The following HMGA2 variants were observed in gnomAD, a reference collection of about 807,000 sequenced individuals.
HMGA2 encodes high mobility group AT-hook 2, also known as high mobility group protein HMGI-C.
In HMGA2, 8 loss-of-function variants were observed where a neutral mutation model predicts 19.1. The observed-to-expected ratio is 0.42, with a 90% CI of 0.25 to 0.76. The LOEUF is 0.76. Ranked by LOEUF, HMGA2 falls within the 30% of genes least tolerant of loss-of-function variation. The pLI, the probability that HMGA2 is intolerant of heterozygous loss-of-function variation, is 0.28. For synonymous variants in HMGA2, 60 were observed against 48.8 expected (o/e 1.23, Z -0.96); for missense variants, 109 against 136.3 (o/e 0.80, Z 1.00).
chr12:65,886,463 G>A lies in HMGA2; in HGVS notation c.249+47894G>A, dbSNP rs182485851. Among the ~76,000 whole-genome samples, 388 of 151,540 alleles carry A rather than the reference G, an allele frequency of 2.6e-3. 2 individuals are homozygous for A. The highest frequency in any genetic ancestry group is 9.2e-3 in the African/African-American group (380 of 41,320). On this transcript the variant is annotated intron_variant, in intron 3 of 4. Coordinates refer to ENST00000403681, the MANE Select transcript of HMGA2 (RefSeq NM_003483.6). ...CAACCTCTACCTCCCAGGTTCAAGC[G>A]ATTCTCCTGCCTCAGCCTCCTGAGT...
chr12:65,922,739 A>G lies in HMGA2; in HGVS notation c.250-28644A>G, dbSNP rs199798951. ...ATATGGTTTGGCTGTGTCCCCACCC[A>G]ATGTCAACTCAAATTGTAGCTCCTA... is the stretch of plus-strand genomic sequence containing the variant. On this transcript the variant is annotated intron_variant, in intron 3 of 4. Transcript: ENST00000403681. Among the ~76,000 whole-genome samples, 6 of 152,308 alleles carry G rather than the reference A, an allele frequency of 3.9e-5. No homozygotes were observed. In the East Asian group the frequency reaches 1.2e-3, roughly 29 times the overall value.
intron 2 of HMGA2, among the ~76,000 whole-genome samples, chr12:65,833,620 A>G (rs1452416224): frequency 6.6e-6 from 1 of 152,132 alleles, no homozygotes; most frequent in Non-Finnish European, 1.5e-5. Flanking sequence ...TTGGAAATAC[A>G]TTACTTTTAA....
At chr12:65,846,768 C>T (rs188039432) in intron 3 of HMGA2, among the ~76,000 whole-genome samples, 26 of 152,208 alleles carry the variant, frequency 1.7e-4, no homozygotes, top group Admixed American at 1.0e-3. Context: ...CCTTCTGACA[C>T]GATTATAAAT....
At chr12:65,846,893 T>A (rs1461696433) in intron 3 of HMGA2, among the ~76,000 whole-genome samples, 1 of 152,188 alleles carries the variant, frequency 6.6e-6, no homozygotes, top group Non-Finnish European at 1.5e-5. Flanking sequence ...GCCAGGTAGA[T>A]TATTATTCTA....
intron 3 of HMGA2, among the ~76,000 whole-genome samples, chr12:65,866,354 T>A (rs1329791233): frequency 6.6e-6 from 1 of 152,108 alleles, no homozygotes; most frequent in African/African-American, 2.4e-5. Flanking sequence ...TGAACCAAGT[T>A]AATGTAATGG....
At chr12:65,933,398 TA>T (rs943329080) in intron 3 of HMGA2, among the ~76,000 whole-genome samples, 9 of 152,190 alleles carry the variant, frequency 5.9e-5, no homozygotes, top group African/African-American at 1.7e-4. Context: ...AAGTTTTCTT[TA>T]AACCTCCTTA....
chr12:65,923,974 C>T (rs1875415378), intron 3 of HMGA2, among the ~76,000 whole-genome samples: 1 of 152,118 alleles, frequency 6.6e-6, no homozygotes, highest in Non-Finnish European at 1.5e-5. Flanking sequence ...CACGCCATTG[C>T]ACTCCAGCCT....
intron 3 of HMGA2, 102 bp from the exon 4 acceptor site, chr12:65,951,281 C>T: frequency 1.3e-6 from 1 of 741,352 alleles, no homozygotes; most frequent in East Asian, 2.8e-5. Context: ...ATACTTTCCT[C>T]TTTCCTTTGC....
At chr12:65,946,448 G>C (rs1423819678) in intron 3 of HMGA2, among the ~76,000 whole-genome samples, 1 of 152,128 alleles carries the variant, frequency 6.6e-6, no homozygotes, top group African/African-American at 2.4e-5. Flanking sequence ...AGGTCAACTT[G>C]AGACCCTTTA....
At chr12:65,909,461 T>A (rs1874747433) in intron 3 of HMGA2, among the ~76,000 whole-genome samples, 1 of 152,178 alleles carries the variant, frequency 6.6e-6, no homozygotes, top group African/African-American at 2.4e-5. Flanking sequence ...ATATTTTGAA[T>A]TTTTCAGTCA....
intron 3 of HMGA2, among the ~76,000 whole-genome samples, chr12:65,901,794 A>G (rs1032886616): frequency 5.3e-5 from 8 of 152,080 alleles, no homozygotes; most frequent in Non-Finnish European, 1.0e-4. Context: ...TGAATCTATA[A>G]ATCCCCCACA....
intron 3 of HMGA2, among the ~76,000 whole-genome samples, chr12:65,873,310 G>T (rs1168587712): frequency 1.3e-5 from 2 of 152,202 alleles, no homozygotes; most frequent in African/African-American, 4.8e-5. Context: ...TCTAGGTTCT[G>T]TTGTCTGGTG....
chr12:65,905,745 A>T (rs1207396302), intron 3 of HMGA2, among the ~76,000 whole-genome samples: 1 of 152,224 alleles, frequency 6.6e-6, no homozygotes, highest in African/African-American at 2.4e-5. Flanking sequence ...AAACTAATAC[A>T]TTCTCTTTAG....
chr12:65,904,399 C>T (rs7133074), intron 3 of HMGA2, among the ~76,000 whole-genome samples: 42,837 of 152,112 alleles, frequency 0.28, 8,743 homozygotes, highest in African/African-American at 0.57. Flanking sequence ...CCACATAGAA[C>T]TGGGACCTAT....
intron 3 of HMGA2, among the ~76,000 whole-genome samples, chr12:65,851,810 T>C (rs915925065): frequency 6.6e-6 from 1 of 152,210 alleles, no homozygotes; most frequent in South Asian, 2.1e-4. Flanking sequence ...AGACTTCAAA[T>C]GATATGGTAG....
intron 3 of HMGA2, chr12:65,851,372 G>C (rs1178559006): frequency 6.0e-6 from 1 of 165,970 alleles, no homozygotes; most frequent in Admixed American, 6.4e-5. Context: ...AAAATTAGCC[G>C]GGTGTGGTGG....
intron 2 of HMGA2, among the ~76,000 whole-genome samples, chr12:65,835,524 T>C (rs1012531844): frequency 2.0e-5 from 3 of 152,234 alleles, no homozygotes; most frequent in Non-Finnish European, 4.4e-5. Flanking sequence ...GCAAGTTTGC[T>C]TTTAACAAGT....
At chr12:65,917,324 G>A (rs1875139658) in intron 3 of HMGA2, among the ~76,000 whole-genome samples, 3 of 152,178 alleles carry the variant, frequency 2.0e-5, no homozygotes, top group Admixed American at 6.5e-5. Flanking sequence ...CGGGATTGCC[G>A]CTAAGAAGTT....
intron 3 of HMGA2, among the ~76,000 whole-genome samples, chr12:65,902,867 C>A (rs936763065): frequency 2.0e-5 from 3 of 152,016 alleles, no homozygotes; most frequent in Non-Finnish European, 4.4e-5. Context: ...TTGTCCCATA[C>A]AAAATATCAA....
Sources: gnomAD v4.1 joint callset for allele counts (sites outside exome capture counted in the v4.1 genomes callset) on GRCh38, gnomAD v4.1.1 for gene constraint, MANE v1.5 for transcripts, NCBI Gene and HGNC (gene_info 2026-07-23, HGNC 2026-07-21) for gene names.